Variants in ABCD2 observed in about 807,000 individuals in gnomAD.
ABCD2 encodes the protein ATP binding cassette subfamily D member 2, also known as ATP-binding cassette sub-family D member 2.
A neutral mutation model predicts 70.9 loss-of-function variants in ABCD2; 36 were observed. The observed-to-expected ratio is 0.51, with a 90% CI of 0.39 to 0.67. The LOEUF (loss-of-function observed/expected upper bound fraction) is 0.67, where lower values mean the gene tolerates loss of function less well. Among genes scored for constraint, ABCD2 ranks in the 30% least tolerant of loss-of-function variants. The probability of loss-of-function intolerance (pLI) is 0.00; values close to 1 mark genes in which losing one functional copy is unlikely to be tolerated. For missense variants in ABCD2, 729 were observed against 890.2 expected (o/e 0.82, Z 2.30); for synonymous variants, 304 against 306.9 (o/e 0.99, Z 0.10).
Position 39,553,904 on chromosome 12 carries a change from A to G in ABCD2, c.*8T>C, listed in dbSNP as rs1385774552. On this transcript the variant is annotated 3_prime_UTR_variant, in exon 10 of 10. Coordinates refer to ENST00000308666, the MANE Select transcript of ABCD2 (RefSeq NM_005164.4). ...TAATAATTAACTTTTAAAATATGTC[A>G]AAACAAATTAAGATGTCTCATCTTC... 6.3e-7 allele frequency: 1 copy of G among 1,591,492 alleles called. No individual in the cohort carries two copies. The highest frequency in any genetic ancestry group is 1.3e-5 in the African/African-American group (1 of 74,142).
intron 9 of ABCD2, among the ~76,000 whole-genome samples, chr12:39,567,150 C>T (rs1378909831): frequency 6.6e-6 from 1 of 152,156 alleles, no homozygotes; most frequent in Non-Finnish European, 1.5e-5. Flanking sequence ...ATTAGGTCTG[C>T]TTGGTGCAGA....
intron 9 of ABCD2, among the ~76,000 whole-genome samples, chr12:39,561,258 T>C (rs1941254033): frequency 6.6e-6 from 1 of 151,640 alleles, no homozygotes; most frequent in Admixed American, 6.6e-5. Flanking sequence ...CTGGGTTTTG[T>C]GGTGGACCCC....
intron 9 of ABCD2, among the ~76,000 whole-genome samples, chr12:39,562,335 T>C (rs1041874935): frequency 6.6e-6 from 1 of 151,380 alleles, no homozygotes; most frequent in Non-Finnish European, 1.5e-5. Context: ...GGAAATAATA[T>C]ACATCAGAGT....
intron 7 of ABCD2, among the ~76,000 whole-genome samples, chr12:39,580,783 T>G (rs1941586201): frequency 6.6e-6 from 1 of 152,222 alleles, no homozygotes; most frequent in South Asian, 2.1e-4. Flanking sequence ...CCATGTTCTC[T>G]GTCATCTTTT....
intron 9 of ABCD2, among the ~76,000 whole-genome samples, chr12:39,568,455 C>T (rs114832811): frequency 0.087 from 13,202 of 152,176 alleles, 591 homozygotes; most frequent in Middle Eastern, 0.21. Flanking sequence ...TGTTCATTCT[C>T]GTGCCATGGT....
chr12:39,568,827 G>A (rs1267142657), intron 9 of ABCD2, among the ~76,000 whole-genome samples: 1 of 152,120 alleles, frequency 6.6e-6, no homozygotes, highest in Admixed American at 6.5e-5. Context: ...CTTTCTGTTT[G>A]TTAGTTTTCC....
At position 39,579,348 on chromosome 12, in the gene ABCD2, C is replaced by T. The variant is rs550782466; in HGVS notation, c.1877+187G>A. 2.6e-5 allele frequency among the ~76,000 whole-genome samples: 4 copies of T among 152,236 alleles called. No individual in the cohort carries two copies. The South Asian group carries it at 6.2e-4, about 24-fold the overall frequency. ...CTGCACTCCAGCCTGGCTGACAGAGCGAGACTCTGTCTCAAAAACAAACAA... is the reference window on the plus strand; with the variant it reads ...CTGCACTCCAGCCTGGCTGACAGAGTGAGACTCTGTCTCAAAAACAAACAA... On this transcript the variant is annotated intron_variant, in intron 8 of 9. Coordinates refer to ENST00000308666, the MANE Select transcript of ABCD2 (RefSeq NM_005164.4).
At chr12:39,587,769 C>G (rs144534291) in intron 6 of ABCD2, among the ~76,000 whole-genome samples, 1 of 151,900 alleles carries the variant, frequency 6.6e-6, no homozygotes, top group Non-Finnish European at 1.5e-5. Context: ...CCAACAAGAA[C>G]GAAGGAAGAA....
chr12:39,538,355 A>T, the ABCD2 span, among the ~76,000 whole-genome samples: 1 of 151,614 alleles, frequency 6.6e-6, no homozygotes, highest in East Asian at 1.9e-4. Flanking sequence ...TATTATTTTT[A>T]GTAGAGATGG....
the ABCD2 span, among the ~76,000 whole-genome samples, chr12:39,540,584 TGA>T: frequency 6.6e-6 from 1 of 152,228 alleles, no homozygotes; most frequent in East Asian, 1.9e-4. Context: ...AGAGATTAAC[TGA>T]GAGTCTAGCA....
chr12:39,552,347 T>A lies in ABCD2; in HGVS notation c.*1565A>T, dbSNP rs1941099780. On this transcript the variant is annotated 3_prime_UTR_variant, in exon 10 of 10. Transcript: ENST00000308666. ...TCACAGACTTAACATCTATTATGGC[T>A]GTGTCTCAACAGGCAAATAAAATCC... 5 of 151,948 alleles carry A rather than the reference T, an allele frequency of 3.3e-5. No homozygotes were observed. Among genetic ancestry groups the A allele is most frequent in the Admixed American group, 2.6e-4 (4 of 15,234 alleles). 9.4% of individuals were successfully genotyped at this position (151,948 alleles called of 1,614,324 possible). A position where few individuals can be genotyped will look rare whatever the true frequency, so the allele number is the denominator to read the frequency against.
rs78220045 is a variant in ABCD2, at chr12:39,577,779, T to C, written c.1877+1756A>G. Among the ~76,000 whole-genome samples, 466 of 152,276 alleles carry C rather than the reference T, an allele frequency of 3.1e-3. 10 individuals are homozygous for C. Among genetic ancestry groups the C allele is most frequent in the East Asian group, 0.028 (147 of 5,184 alleles). On this transcript the variant is annotated intron_variant, in intron 8 of 9. Transcript: ENST00000308666. ...TTCTCAAAGTATTTAGGGAAAAATA[T>C]CATAATACCTGTGATTTGCTTTAAA...
chr12:39,575,488 T>C (rs1280065750), intron 8 of ABCD2, among the ~76,000 whole-genome samples: 1 of 152,202 alleles, frequency 6.6e-6, no homozygotes, highest in Non-Finnish European at 1.5e-5. Context: ...GTATCATCAG[T>C]AGAATGGGCT....
chr12:39,556,115 A>C (rs1459569143), intron 9 of ABCD2, among the ~76,000 whole-genome samples: 1 of 152,220 alleles, frequency 6.6e-6, no homozygotes, highest in African/African-American at 2.4e-5. Flanking sequence ...CTAGGTCTTT[A>C]ATGTGTAGAC....
chr12:39,551,338 A>G lies in ABCD2; in HGVS notation c.*2574T>C, dbSNP rs1254108522. On this transcript the variant is annotated 3_prime_UTR_variant, in exon 10 of 10. Coordinates refer to ENST00000308666, the MANE Select transcript of ABCD2 (RefSeq NM_005164.4). ...ATGTCAAACGTTTGGGCAAATAGATATAACATGGTAAAAGTAGTTTGAAAC... is the reference window on the plus strand; with the variant it reads ...ATGTCAAACGTTTGGGCAAATAGATGTAACATGGTAAAAGTAGTTTGAAAC... 6 of 151,760 alleles carry G rather than the reference A, an allele frequency of 4.0e-5. No individual in the cohort carries two copies. The highest frequency in any genetic ancestry group is 2.0e-4 in the Admixed American group (3 of 15,228). 9.4% of individuals were successfully genotyped at this position (151,760 alleles called of 1,614,324 possible).
At chr12:39,541,397 G>T in the ABCD2 span, among the ~76,000 whole-genome samples, 1 of 152,180 alleles carries the variant, frequency 6.6e-6, no homozygotes, top group Admixed American at 6.5e-5. Flanking sequence ...TTCCAGGCAA[G>T]TGTCATAACC....
chr12:39,564,345 C>T (rs1566537017), intron 9 of ABCD2, among the ~76,000 whole-genome samples: 2 of 152,124 alleles, frequency 1.3e-5, no homozygotes, highest in African/African-American at 2.4e-5. Flanking sequence ...TGGTATCTCA[C>T]TGTGGTTTTT....
At chr12:39,587,244 C>A (rs1439660480) in intron 6 of ABCD2, among the ~76,000 whole-genome samples, 1 of 152,148 alleles carries the variant, frequency 6.6e-6, no homozygotes, top group East Asian at 1.9e-4. Context: ...AGGAAGACCT[C>A]TATAAACTGA....
downstream of ABCD2, among the ~76,000 whole-genome samples, chr12:39,545,083 A>G (rs1941013802): frequency 6.6e-6 from 1 of 152,152 alleles, no homozygotes; most frequent in Non-Finnish European, 1.5e-5. Flanking sequence ...TTGAAGCATA[A>G]TTTTTGTCTC....
Sources: allele counts gnomAD v4.1 joint callset (sites outside exome capture counted in the v4.1 genomes callset), GRCh38; gene constraint gnomAD v4.1.1; transcripts MANE v1.5; gene names NCBI Gene and HGNC (gene_info 2026-07-23, HGNC 2026-07-21).